TNN: variants seen among roughly 807,000 people sequenced by gnomAD.
TNN encodes tenascin N.
A neutral mutation model predicts 134.4 loss-of-function variants in TNN; 122 were observed. That is an observed-to-expected ratio of 0.91 (90% CI 0.78 to 1.06). The LOEUF is 1.06. Ranked by LOEUF, TNN falls within the 50% of genes least tolerant of loss-of-function variation. The pLI, the probability that TNN is intolerant of heterozygous loss-of-function variation, is 0.00. For missense variants in TNN, 1,739 were observed against 1,699.4 expected (o/e 1.02, Z -0.41); for synonymous variants, 710 against 670.3 (o/e 1.06, Z -0.91).
rs187771177 is a variant in TNN at position 175,140,606 on chromosome 1, G to A, written c.3595+3618G>A. Among the ~76,000 whole-genome samples, 15 of 152,316 alleles carry A rather than the reference G, an allele frequency of 9.8e-5. No individual in the cohort carries two copies. In the East Asian group the frequency reaches 2.5e-3, roughly 25 times the overall value. ...GGTGAATTATTTAATTCTCCTCCCA[G>A]GTACTCTGTTTGCATGTTAACTGCA... On this transcript the variant is annotated intron_variant, in intron 17 of 18. Transcript: ENST00000239462.
intron 9 of TNN, among the ~76,000 whole-genome samples, chr1:175,099,799 G>A (rs1054033032): frequency 2.6e-5 from 4 of 152,106 alleles, no homozygotes; most frequent in African/African-American, 7.2e-5. Context: ...AAGCTGACTC[G>A]GTCATGAAGC....
intron 9 of TNN, among the ~76,000 whole-genome samples, chr1:175,102,598 C>T (rs1412788710): frequency 8.2e-5 from 12 of 145,904 alleles, no homozygotes; most frequent in African/African-American, 2.7e-4. Flanking sequence ...GCTCTGAGTG[C>T]GGGGCCCTCC....
chr1:175,106,257 A>G (rs141134684), intron 9 of TNN, among the ~76,000 whole-genome samples: 1 of 145,968 alleles, frequency 6.9e-6, no homozygotes, highest in African/African-American at 2.5e-5. Flanking sequence ...ATGGAGGGCC[A>G]TACCCTGAGG....
intron 11 of TNN, 81 bp downstream of exon 11, chr1:175,118,905 T>C (rs1675267093): frequency 1.3e-6 from 2 of 1,558,548 alleles, no homozygotes; most frequent in South Asian, 1.2e-5. Flanking sequence ...TGCAGCTGCT[T>C]TTGGCATCTG....
At chr1:175,077,960 G>C in intron 2 of TNN, 133 bp downstream of exon 2, 1 of 924,140 alleles carries the variant, frequency 1.1e-6, no homozygotes, top group South Asian at 1.8e-5. Flanking sequence ...TTTCTCTAGG[G>C]GGCCCATCCC....
At chr1:175,102,280 C>G (rs1674743183) in intron 9 of TNN, among the ~76,000 whole-genome samples, 1 of 146,396 alleles carries the variant, frequency 6.8e-6, no homozygotes, top group African/African-American at 2.5e-5. Context: ...AGCTGTCTGC[C>G]AGTCCCGCGC....
chr1:175,077,355 G>A (rs187821849), intron 1 of TNN, 29 bp from the exon 2 acceptor site: 1 of 1,517,114 alleles, frequency 6.6e-7, no homozygotes, highest in African/African-American at 1.4e-5. Flanking sequence ...CATCTCCGTG[G>A]CTTTCTTTTG....
chr1:175,115,072 G>T (rs1051139059), intron 9 of TNN, among the ~76,000 whole-genome samples: 5 of 152,118 alleles, frequency 3.3e-5, no homozygotes, highest in Non-Finnish European at 7.4e-5. Context: ...CTCTAGGGAA[G>T]AATAATACTA....
At chr1:175,139,231 T>G (rs938105863) in intron 17 of TNN, among the ~76,000 whole-genome samples, 7 of 152,380 alleles carry the variant, frequency 4.6e-5, no homozygotes, top group African/African-American at 1.7e-4. Flanking sequence ...ACTGTTTTAC[T>G]TTATAAACTT....
At chr1:175,101,913 G>C (rs12083913) in intron 9 of TNN, among the ~76,000 whole-genome samples, 1 of 139,622 alleles carries the variant, frequency 7.2e-6, no homozygotes, top group Non-Finnish European at 1.6e-5. Flanking sequence ...GCTAGATACA[G>C]AGTGCCGATT....
intron 9 of TNN, 136 bp downstream of exon 9, chr1:175,098,731 C>A: frequency 1.6e-6 from 2 of 1,287,370 alleles, no homozygotes; most frequent in Non-Finnish European, 2.1e-6. Flanking sequence ...CATTGTGTCC[C>A]CCTCACTTCC....
At chr1:175,142,792 AT>A in intron 17 of TNN, among the ~76,000 whole-genome samples, 1 of 151,870 alleles carries the variant, frequency 6.6e-6, no homozygotes, top group Non-Finnish European at 1.5e-5. Context: ...CAATTTTTGT[AT>A]TTTCAGTAGA....
intron 4 of TNN, 120 bp downstream of exon 4, chr1:175,080,546 A>C (rs181586183): frequency 1.4e-4 from 170 of 1,223,546 alleles, no homozygotes; most frequent in Non-Finnish European, 1.1e-4. Flanking sequence ...CACCTGCCAC[A>C]ATCCTAGGTT....
intron 9 of TNN, among the ~76,000 whole-genome samples, chr1:175,102,108 C>T (rs1385844606): frequency 1.4e-5 from 2 of 145,268 alleles, no homozygotes; most frequent in Non-Finnish European, 3.1e-5. Flanking sequence ...CAGCTAGATA[C>T]AGAGTGTTGA....
intron 18 of TNN, 37 bp downstream of exon 18, chr1:175,144,587 A>T: frequency 2.5e-6 from 4 of 1,605,132 alleles, no homozygotes; most frequent in Non-Finnish European, 3.4e-6. Flanking sequence ...GTCCCAGGGT[A>T]TGTCCATATT....
At chr1:175,142,784 A>G (rs1675970708) in intron 17 of TNN, among the ~76,000 whole-genome samples, 1 of 151,978 alleles carries the variant, frequency 6.6e-6, no homozygotes, top group African/African-American at 2.4e-5. Context: ...TGCCAGGCCA[A>G]TTTTTGTATT....
chr1:175,070,678 G>A (rs1281333107), intron 1 of TNN, among the ~76,000 whole-genome samples: 1 of 152,172 alleles, frequency 6.6e-6, no homozygotes, highest in African/African-American at 2.4e-5. Flanking sequence ...AAAAATGTTT[G>A]TATGTACTTG....
At chr1:175,091,500 C>G (rs1251150491) in intron 6 of TNN, among the ~76,000 whole-genome samples, 1 of 152,094 alleles carries the variant, frequency 6.6e-6, no homozygotes, top group Non-Finnish European at 1.5e-5. Flanking sequence ...GCTGCTTCCT[C>G]TTTCCACCCA....
intron 6 of TNN, among the ~76,000 whole-genome samples, chr1:175,089,710 T>G (rs2149430375): frequency 6.6e-6 from 1 of 152,362 alleles, no homozygotes; most frequent in African/African-American, 2.4e-5. Flanking sequence ...AAAGCATGCT[T>G]GCTTTGTTAT....
Sources: allele counts gnomAD v4.1 joint callset (sites outside exome capture counted in the v4.1 genomes callset), GRCh38; gene constraint gnomAD v4.1.1; transcripts MANE v1.5; gene names NCBI Gene and HGNC (gene_info 2026-07-23, HGNC 2026-07-21).